The following ITGBL1 variants were observed in gnomAD, a reference collection of about 807,000 sequenced individuals.
ITGBL1 encodes the protein integrin subunit beta like 1, also known as integrin beta-like protein 1.
In ITGBL1, 51 loss-of-function variants were observed where a neutral mutation model predicts 68.5. That is an observed-to-expected ratio of 0.74 (90% CI 0.59 to 0.94). The LOEUF (loss-of-function observed/expected upper bound fraction) is 0.94, where lower values mean the gene tolerates loss of function less well. Among genes scored for constraint, ITGBL1 ranks in the 40% least tolerant of loss-of-function variants. The pLI is 0.00. For missense variants in ITGBL1, 649 were observed against 647.4 expected (o/e 1.00, Z -0.03); for synonymous variants, 209 against 227.3 (o/e 0.92, Z 0.72).
intron 2 of ITGBL1, among the ~76,000 whole-genome samples, chr13:101,496,298 G>A (rs547408899): frequency 6.6e-6 from 1 of 152,236 alleles, no homozygotes; most frequent in African/African-American, 2.4e-5. Context: ...TTGGGCTGGG[G>A]TTTTCTCTGC....
intron 2 of ITGBL1, among the ~76,000 whole-genome samples, chr13:101,526,462 A>G (rs1473110917): frequency 2.0e-5 from 3 of 152,096 alleles, no homozygotes; most frequent in African/African-American, 4.8e-5. Flanking sequence ...GACTGGATAA[A>G]GAAAATGTGG....
intron 7 of ITGBL1, among the ~76,000 whole-genome samples, chr13:101,671,428 T>TTTTTTG (rs2033359918): frequency 1.5e-5 from 1 of 66,884 alleles, no homozygotes; most frequent in Non-Finnish European, 3.1e-5. Context: ...ATACCTTTGT[T>TTTTTTG]TTTTTTTTGT....
intron 2 of ITGBL1, among the ~76,000 whole-genome samples, chr13:101,485,170 G>A (rs936636099): frequency 6.6e-6 from 1 of 152,116 alleles, no homozygotes; most frequent in Non-Finnish European, 1.5e-5. Context: ...GCTTACAAAA[G>A]AGAATCATCA....
rs765647736 is a variant in ITGBL1 at position 101,678,862 on chromosome 13, C to G, written c.1016-13723C>G. ...TCAAAGTGACTAGAGCCTGATTCTA[C>G]CCTACTCCTTTCTCCTCCCCAAATA... On this transcript the variant is annotated intron_variant, in intron 7 of 10. Transcript: ENST00000376180. Among the ~76,000 whole-genome samples the G allele has an allele frequency of 1.3e-3, 192 of 152,138 alleles. 1 individual carries two copies. The highest frequency in any genetic ancestry group is 5.4e-4 in the Non-Finnish European group (37 of 67,998).
intron 2 of ITGBL1, among the ~76,000 whole-genome samples, chr13:101,504,789 A>T (rs1355965280): frequency 6.6e-6 from 1 of 152,216 alleles, no homozygotes; most frequent in Admixed American, 6.5e-5. Flanking sequence ...TTGCTTTGGT[A>T]GCTGCTGCTT....
At chr13:101,659,238 C>T (rs1223579313) in intron 7 of ITGBL1, among the ~76,000 whole-genome samples, 1 of 151,784 alleles carries the variant, frequency 6.6e-6, no homozygotes, top group East Asian at 1.9e-4. Flanking sequence ...TTAAACATAG[C>T]TTTAAGAACA....
At chr13:101,470,506 C>G (rs1173899053) in intron 2 of ITGBL1, among the ~76,000 whole-genome samples, 1 of 151,998 alleles carries the variant, frequency 6.6e-6, no homozygotes, top group Non-Finnish European at 1.5e-5. Flanking sequence ...ACTATATGCA[C>G]ACAGTCTGTT....
intron 2 of ITGBL1, among the ~76,000 whole-genome samples, chr13:101,535,813 G>C (rs1216765774): frequency 6.6e-6 from 1 of 151,998 alleles, no homozygotes; most frequent in Non-Finnish European, 1.5e-5. Flanking sequence ...TTTGCAATTC[G>C]AATCTCTTCT....
At chr13:101,703,052 G>T (rs7140106) in intron 8 of ITGBL1, among the ~76,000 whole-genome samples, 1,673 of 152,132 alleles carry the variant, frequency 0.011, 37 homozygotes, top group African/African-American at 0.038. Context: ...CATTGTGTTA[G>T]GCACTCTGAA....
chr13:101,666,877 A>G lies in ITGBL1; in HGVS notation c.1016-25708A>G, dbSNP rs534412692. Among the ~76,000 whole-genome samples, 38 of 152,310 alleles carry G rather than the reference A, an allele frequency of 2.5e-4. 1 individual carries two copies. In the South Asian group the frequency reaches 7.5e-3, roughly 30 times the overall value. Reference sequence around the variant, plus strand: ...TTCAGGAACCCAGTCGGTTCCAAGAAAAATTCTATACAATGAAGGAAACTT... The same window carrying G: ...TTCAGGAACCCAGTCGGTTCCAAGAGAAATTCTATACAATGAAGGAAACTT... On this transcript the variant is annotated intron_variant, in intron 7 of 10. Coordinates refer to ENST00000376180, the MANE Select transcript of ITGBL1 (RefSeq NM_004791.3).
rs552726349 is a variant in ITGBL1 at position 101,633,532 on chromosome 13, C to CA, written c.1015+35240dup. Among the ~76,000 whole-genome samples the CA allele has an allele frequency of 1.1e-4, 16 of 152,040 alleles. 1 individual carries two copies. Among genetic ancestry groups the CA allele is most frequent in the Admixed American group, 9.2e-4 (14 of 15,260 alleles). On this transcript the variant is annotated intron_variant, in intron 7 of 10. Coordinates refer to ENST00000376180, the MANE Select transcript of ITGBL1 (RefSeq NM_004791.3). Reference sequence around the variant, plus strand: ...TGTGAAACTCATGTGAGTTGTCAGCCAAAAAAACCAAGTGGAATGTGAGTC... The same window carrying CA: ...TGTGAAACTCATGTGAGTTGTCAGCCAAAAAAAACCAAGTGGAATGTGAGTC...
At chr13:101,705,516 C>T (rs1368538802) in intron 8 of ITGBL1, among the ~76,000 whole-genome samples, 2 of 151,978 alleles carry the variant, frequency 1.3e-5, no homozygotes, top group Non-Finnish European at 2.9e-5. Flanking sequence ...CCAGTCTGCA[C>T]ACGTTCATGC....
downstream of ITGBL1, chr13:101,719,331 C>T (rs547181044): frequency 6.6e-6 from 1 of 151,988 alleles, no homozygotes; most frequent in Non-Finnish European, 1.5e-5. Context: ...CCCCAAGAGG[C>T]AAACTATTAG....
chr13:101,706,873 C>G lies in ITGBL1; in HGVS notation c.1250C>G (p.Ser417Ter). ...GAACAAAGCAAGAATCTGTGTGAATCAGCAGATGGCATATTGTGCTCGGGG... is the reference window on the plus strand; with the variant it reads ...GAACAAAGCAAGAATCTGTGTGAATGAGCAGATGGCATATTGTGCTCGGGG... ...TEEQSKNLCE[S>*]ADGILCSGKG... Residue 417 changes from serine to a stop codon, truncating the protein, a stop_gained, in exon 9 of 11, where the codon TCA becomes TGA. Transcript: ENST00000376180. LOFTEE classifies it high-confidence loss of function. 1 of 1,614,146 alleles carries G rather than the reference C, an allele frequency of 6.2e-7. No homozygotes were observed. Among genetic ancestry groups the G allele is most frequent in the Non-Finnish European group, 8.5e-7 (1 of 1,179,998 alleles).
intron 8 of ITGBL1, among the ~76,000 whole-genome samples, chr13:101,693,820 A>T (rs9518494): frequency 0.56 from 85,450 of 151,994 alleles, 24,591 homozygotes; most frequent in African/African-American, 0.69. Flanking sequence ...TTAACCTGTT[A>T]ATGACTGAGG....
Position 101,625,524 on chromosome 13 carries a change from C to G in ITGBL1, c.1015+27225C>G, listed in dbSNP as rs188086511. 3.6e-3 allele frequency among the ~76,000 whole-genome samples: 540 copies of G among 151,646 alleles called. 4 individuals carry two copies. Among genetic ancestry groups the G allele is most frequent in the African/African-American group, 0.013 (521 of 41,294 alleles). On this transcript the variant is annotated intron_variant, in intron 7 of 10. Transcript: ENST00000376180. ...CACTGCAAGGGCTCATCAGGTCCCA[C>G]TCAGTATTTTATTTCTAATAATAGT...
chr13:101,576,773 AAAAC>A (rs1341160200), intron 4 of ITGBL1, among the ~76,000 whole-genome samples: 1 of 152,158 alleles, frequency 6.6e-6, no homozygotes, highest in Non-Finnish European at 1.5e-5. Context: ...CTACCTGGAT[AAAAC>A]AAACAAACAC....
At chr13:101,549,869 C>T (rs1322880296) in intron 2 of ITGBL1, among the ~76,000 whole-genome samples, 1 of 151,872 alleles carries the variant, frequency 6.6e-6, no homozygotes, top group Non-Finnish European at 1.5e-5. Flanking sequence ...TATCTATTAA[C>T]AATGTATTGA....
intron 7 of ITGBL1, among the ~76,000 whole-genome samples, chr13:101,640,833 A>AGT (rs2032342440): frequency 6.6e-6 from 1 of 152,112 alleles, no homozygotes; most frequent in South Asian, 2.1e-4. Flanking sequence ...TATGCCCATG[A>AGT]GTACCCGATG....
Sources: gnomAD v4.1 joint callset for allele counts (sites outside exome capture counted in the v4.1 genomes callset) on GRCh38, gnomAD v4.1.1 for gene constraint, MANE v1.5 for transcripts, NCBI Gene and HGNC (gene_info 2026-07-23, HGNC 2026-07-21) for gene names.